ITGA6: variants seen among roughly 807,000 people sequenced by gnomAD.
ITGA6 encodes integrin alpha-6.
ITGA6 carries 63 observed loss-of-function variants against 133.6 expected under a neutral mutation model. The ratio of observed to expected loss-of-function variants is 0.47; its 90% confidence interval spans 0.38 to 0.58. The LOEUF (loss-of-function observed/expected upper bound fraction) is 0.58. Among genes scored for constraint, ITGA6 ranks in the 20% least tolerant of loss-of-function variants. The pLI is 0.00. For synonymous variants in ITGA6, 434 were observed against 482.0 expected (o/e 0.90, Z 1.30); for missense variants, 1,068 against 1,309.4 (o/e 0.82, Z 2.85).
At chr2:172,442,827 G>A (rs1488599598) in intron 1 of ITGA6, among the ~76,000 whole-genome samples, 1 of 151,954 alleles carries the variant, frequency 6.6e-6, no homozygotes, top group Non-Finnish European at 1.5e-5. Context: ...GCATGTGTGA[G>A]CTTGTTTTAT....
At chr2:172,475,777 T>C (rs1459681089) in intron 8 of ITGA6, 92 bp downstream of exon 8, 16 of 783,112 alleles carry the variant, frequency 2.0e-5, no homozygotes, top group Middle Eastern at 2.3e-4. Context: ...CACACAAATC[T>C]TATTTTATTT....
rs1559133286 is a variant in ITGA6, at chr2:172,465,624, GC to G, written c.271del (p.Arg91GlyfsTer39). The G allele has an allele frequency of 6.2e-7, 1 of 1,614,212 alleles. No homozygotes were observed. The highest frequency in any genetic ancestry group is 1.1e-5 in the South Asian group (1 of 91,088). On this transcript the variant is annotated frameshift_variant, in exon 2 of 26. Transcript: ENST00000684293. LOFTEE classifies it high-confidence loss of function. ...AGGGCTGTACAGCTGCGACATCACC[GC>G]CCGGGGGCCATGCACGCGGATCGAG... is the stretch of plus-strand genomic sequence containing the variant. ...TGGLYSCDIT[A>X]RGPCTRIEFD...
intron 1 of ITGA6, among the ~76,000 whole-genome samples, chr2:172,432,146 AGCTTAG>A (rs1684129301): frequency 6.6e-6 from 1 of 152,210 alleles, no homozygotes; most frequent in Non-Finnish European, 1.5e-5. Context: ...TACTGTTGTA[AGCTTAG>A]ATGACAGGGT....
chr2:172,474,926 T>C lies in ITGA6; in HGVS notation c.987-3T>C, dbSNP rs1317429561. ...CGGCTCTTTCCCCTCATTATGTTTT[T>C]AGGTGGCAAGATATAGTTATTGGAG... On this transcript the variant is annotated splice_polypyrimidine_tract_variant and splice_region_variant and intron_variant, in intron 6 of 25. Transcript: ENST00000684293. 5.4e-6 allele frequency: 8 copies of C among 1,492,474 alleles called. No individual in the cohort carries two copies. Among genetic ancestry groups the C allele is most frequent in the Admixed American group, 1.7e-5 (1 of 59,866 alleles). 92.5% of individuals were successfully genotyped at this position (1,492,474 alleles called of 1,614,324 possible). A position where few individuals can be genotyped will look rare whatever the true frequency, so the allele number is the denominator to read the frequency against.
intron 1 of ITGA6, among the ~76,000 whole-genome samples, chr2:172,437,758 G>A (rs1448905217): frequency 6.6e-6 from 1 of 152,168 alleles, no homozygotes; most frequent in Non-Finnish European, 1.5e-5. Flanking sequence ...ACCAAGGACG[G>A]GGATGGAGGC....
chr2:172,481,565 T>A (rs1410239882), intron 11 of ITGA6, among the ~76,000 whole-genome samples: 1 of 152,186 alleles, frequency 6.6e-6, no homozygotes, highest in African/African-American at 2.4e-5. Context: ...CACCTGATTC[T>A]CAGTGTCATA....
In ITGA6 at chr2:172,488,000, A is replaced by G. The variant is rs1253258397; in HGVS notation, c.2364A>G (p.Lys788=). 6.2e-7 allele frequency: 1 copy of G among 1,614,126 alleles called. No homozygotes were observed. The highest frequency in any genetic ancestry group is 2.2e-5 in the East Asian group (1 of 44,870). The stretch of plus-strand genomic sequence containing the variant: ...ATAATTTGGCTCCAATTACAGCTAA[A>G]GCAAAAGTGGTTATTGAACTGCTTT... ...NQDNLAPITA[K]AKVVIELLLS... The change falls in exon 18 of 26, where the codon AAA becomes AAG. Residue 788 remains lysine (K), a synonymous_variant. Transcript: ENST00000684293.
At position 172,504,886 on chromosome 2, in the gene ITGA6, A is replaced by G. The variant is rs1016667675; in HGVS notation, c.*818A>G. The G allele has an allele frequency of 2.0e-5, 3 of 152,586 alleles. No homozygotes were observed. The highest frequency in any genetic ancestry group is 7.2e-5 in the African/African-American group (3 of 41,426). 9.5% of individuals were successfully genotyped at this position (152,586 alleles called of 1,614,324 possible). ...ACAGACTTGAATGCTAGTTATACTT[A>G]TTTGTATATGGTATTTATTTTTTCT... On this transcript the variant is annotated 3_prime_UTR_variant, in exon 26 of 26. Coordinates refer to ENST00000684293, the MANE Select transcript of ITGA6 (RefSeq NM_000210.4).
rs1158295043 is a variant in ITGA6, at chr2:172,505,766, A to G, written c.*1698A>G. 1.3e-5 allele frequency: 2 copies of G among 152,644 alleles called. No individual in the cohort carries two copies. Among genetic ancestry groups the G allele is most frequent in the Non-Finnish European group, 2.9e-5 (2 of 68,010 alleles). The allele number at this position is 152,644 out of a possible 1,614,324, so 9.5% of individuals were successfully genotyped here. On this transcript the variant is annotated 3_prime_UTR_variant, in exon 26 of 26. Transcript: ENST00000684293. ...CGGAAATCTTAAACCTTAAGATACT[A>G]AGGACGTTGTTTTGGTTGTACTTTG...
At chr2:172,445,660 A>AG (rs531651213) in intron 1 of ITGA6, among the ~76,000 whole-genome samples, 116 of 151,614 alleles carry the variant, frequency 7.7e-4, no homozygotes, top group African/African-American at 2.7e-3. Flanking sequence ...TTTAAAAAAA[A>AG]AAAAAAGAAA....
chr2:172,483,794 CT>C (rs1686549100), intron 11 of ITGA6, among the ~76,000 whole-genome samples: 2 of 151,952 alleles, frequency 1.3e-5, no homozygotes, highest in Non-Finnish European at 2.9e-5. Flanking sequence ...TATAATTTAC[CT>C]TGTAATTCTT....
At chr2:172,468,953 T>G (rs1361877850) in intron 3 of ITGA6, 172 bp from the exon 4 acceptor site, 2 of 680,326 alleles carry the variant, frequency 2.9e-6, no homozygotes, top group African/African-American at 3.5e-5. Context: ...AATGGTCTCC[T>G]TAGTGCCACT....
chr2:172,466,860 A>G (rs934617173), intron 2 of ITGA6, among the ~76,000 whole-genome samples: 1 of 152,166 alleles, frequency 6.6e-6, no homozygotes, highest in African/African-American at 2.4e-5. Context: ...AAATTTGGAT[A>G]TAGGTCACAC....
intron 19 of ITGA6, among the ~76,000 whole-genome samples, chr2:172,488,933 G>A (rs1004863632): frequency 1.3e-5 from 2 of 152,150 alleles, no homozygotes; most frequent in African/African-American, 4.8e-5. Context: ...GAACAGTCTC[G>A]ACACCAAGAG....
At chr2:172,473,954 G>A (rs143410387) in intron 5 of ITGA6, 101 bp from the exon 6 acceptor site, 191 of 741,930 alleles carry the variant, frequency 2.6e-4, no homozygotes, top group African/African-American at 2.3e-3. Context: ...GAGGAGAGAG[G>A]GGTGGGAAGC....
At chr2:172,470,436 A>G (rs1409609360) in intron 4 of ITGA6, among the ~76,000 whole-genome samples, 1 of 150,674 alleles carries the variant, frequency 6.6e-6, no homozygotes, top group Non-Finnish European at 1.5e-5. Flanking sequence ...TACCTGCTTT[A>G]TAAACCTGAC....
chr2:172,502,243 A>G (rs1281422197), intron 25 of ITGA6, among the ~76,000 whole-genome samples: 11 of 152,194 alleles, frequency 7.2e-5, no homozygotes, highest in Non-Finnish European at 1.6e-4. Context: ...GGTATGTAGC[A>G]TTCCACTAGG....
chr2:172,479,855 G>T, intron 10 of ITGA6, 116 bp downstream of exon 10: 1 of 1,121,708 alleles, frequency 8.9e-7, no homozygotes, highest in Non-Finnish European at 1.4e-6. Context: ...GCAAAGGGAA[G>T]AGGGTCTGTC....
rs758247127 is a variant in ITGA6 at position 172,496,270 on chromosome 2, C to T, written c.2989-1705C>T. The stretch of plus-strand genomic sequence containing the variant: ...AGAGGGGAAGTGAGCCACGAGGCCA[C>T]CTTGGGGCTCAGAGCTTGTAGAAAA... On this transcript the variant is annotated intron_variant, in intron 23 of 25. Coordinates refer to ENST00000684293, the MANE Select transcript of ITGA6 (RefSeq NM_000210.4). 2.6e-5 allele frequency among the ~76,000 whole-genome samples: 4 copies of T among 152,144 alleles called. No individual in the cohort carries two copies. The South Asian group carries it at 6.2e-4, about 24-fold the overall frequency.
Sources: gnomAD v4.1 joint callset for allele counts (sites outside exome capture counted in the v4.1 genomes callset) on GRCh38, gnomAD v4.1.1 for gene constraint, MANE v1.5 for transcripts, NCBI Gene and HGNC (gene_info 2026-07-23, HGNC 2026-07-21) for gene names.